Variants in SGCD observed in about 807,000 individuals in gnomAD.
The protein encoded by SGCD is delta-sarcoglycan.
SGCD carries 18 observed loss-of-function variants against 36.6 expected under a neutral mutation model. The observed-to-expected ratio is 0.49, with a 90% CI of 0.34 to 0.73. The LOEUF (loss-of-function observed/expected upper bound fraction) is 0.73. Among genes scored for constraint, SGCD ranks in the 30% least tolerant of loss-of-function variants. The pLI, the probability that SGCD is intolerant of heterozygous loss-of-function variation, is 0.01. For synonymous variants in SGCD, 133 were observed against 130.6 expected, an observed-to-expected ratio of 1.02 and a Z score of -0.12; for missense variants, 387 against 346.7, an observed-to-expected ratio of 1.12 and a Z score of -0.92.
At chr5:156,601,817 G>C (rs1761203200) in intron 6 of SGCD, among the ~76,000 whole-genome samples, 1 of 152,054 alleles carries the variant, frequency 6.6e-6, no homozygotes, top group Non-Finnish European at 1.5e-5. Flanking sequence ...CCGAGTAGCT[G>C]GGCCTACAGG....
Position 156,113,047 on chromosome 5 carries a change from C to T in SGCD, c.-281-4831C>T, listed in dbSNP as rs536607475. Among the ~76,000 whole-genome samples the T allele has an allele frequency of 5.9e-5, 9 of 152,194 alleles. No homozygotes were observed. In the South Asian group the frequency reaches 1.7e-3, roughly 28 times the overall value. On this transcript the variant is annotated intron_variant, in intron 1 of 9. Transcript: ENST00000517913. ...TTTAATTTATGTAAATTCAACTTTA[C>T]GTGCATAGCAAATAAAAGAAAACTG...
chr5:156,230,308 G>T (rs1268684971), intron 3 of SGCD, among the ~76,000 whole-genome samples: 1 of 152,148 alleles, frequency 6.6e-6, no homozygotes, highest in Non-Finnish European at 1.5e-5. Context: ...ATTTGGGTAG[G>T]CTCTGTCAGA....
chr5:155,949,601 A>G (rs1467680114), intron 1 of SGCD, among the ~76,000 whole-genome samples: 1 of 152,212 alleles, frequency 6.6e-6, no homozygotes, highest in Admixed American at 6.5e-5. Flanking sequence ...ACACGTCTAA[A>G]TAATTGGAAA....
At chr5:156,495,610 G>A (rs1756149350) in intron 3 of SGCD, among the ~76,000 whole-genome samples, 1 of 152,152 alleles carries the variant, frequency 6.6e-6, no homozygotes, top group Admixed American at 6.6e-5. Flanking sequence ...ACTCAGGCCA[G>A]CATCTTAATC....
rs116956902 is a variant in SGCD at position 156,520,615 on chromosome 5, C to T, written c.294+11913C>T. ...GCAAAAAGAACAAAGCTGGAGGCAT[C>T]GTGCGACCCAACTTCAAACTATACT... On this transcript the variant is annotated intron_variant, in intron 4 of 8. Coordinates refer to ENST00000337851, the MANE Select transcript of SGCD (RefSeq NM_000337.6). Among the ~76,000 whole-genome samples, 1,978 of 152,256 alleles carry T rather than the reference C, an allele frequency of 0.013. 104 individuals carry two copies. The East Asian group carries it at 0.18, about 14-fold the overall frequency.
At chr5:155,884,375 C>T (rs1755959885) in intron 1 of SGCD, among the ~76,000 whole-genome samples, 1 of 152,206 alleles carries the variant, frequency 6.6e-6, no homozygotes, top group Admixed American at 6.5e-5. Flanking sequence ...CTGCCCCGTT[C>T]TCTGCCACGA....
intron 1 of SGCD, among the ~76,000 whole-genome samples, chr5:155,965,724 G>A (rs917705744): frequency 3.3e-5 from 5 of 152,068 alleles, no homozygotes; most frequent in African/African-American, 4.8e-5. Flanking sequence ...ACCAAGTCAA[G>A]CAACTAACTG....
chr5:155,932,094 G>C (rs551226359), intron 1 of SGCD, among the ~76,000 whole-genome samples: 1 of 152,210 alleles, frequency 6.6e-6, no homozygotes, highest in Non-Finnish European at 1.5e-5. Context: ...CACCTTGGGG[G>C]TTAAGATTTC....
intron 1 of SGCD, among the ~76,000 whole-genome samples, chr5:156,033,889 C>G (rs1384580173): frequency 6.6e-6 from 1 of 152,092 alleles, no homozygotes; most frequent in East Asian, 1.9e-4. Context: ...CATTTTTGCA[C>G]TTAATTTTTT....
chr5:156,583,744 A>G (rs1581207708), intron 4 of SGCD, among the ~76,000 whole-genome samples: 1 of 152,236 alleles, frequency 6.6e-6, no homozygotes, highest in African/African-American at 2.4e-5. Flanking sequence ...TGACATTGGT[A>G]CAAGAATAGA....
At chr5:156,174,173 A>G (rs113513553) in intron 3 of SGCD, among the ~76,000 whole-genome samples, 4 of 152,362 alleles carry the variant, frequency 2.6e-5, no homozygotes, top group African/African-American at 9.6e-5. Flanking sequence ...AACTCTAACT[A>G]TGGAAGACAA....
At chr5:156,044,281 AT>A (rs946919777) in intron 1 of SGCD, among the ~76,000 whole-genome samples, 8 of 152,190 alleles carry the variant, frequency 5.3e-5, no homozygotes, top group Non-Finnish European at 7.4e-5. Context: ...AGGCTGTTGA[AT>A]GGAGTAAAAT....
intron 3 of SGCD, among the ~76,000 whole-genome samples, chr5:156,189,244 G>GT (rs1034627237): frequency 2.6e-5 from 4 of 151,528 alleles, no homozygotes; most frequent in Non-Finnish European, 5.9e-5. Flanking sequence ...CAGATGTTCT[G>GT]TTTTTTTGGA....
At chr5:155,836,114 T>G in the SGCD span, among the ~76,000 whole-genome samples, 1 of 152,218 alleles carries the variant, frequency 6.6e-6, no homozygotes, top group Admixed American at 6.5e-5. Flanking sequence ...TACTTCAGTT[T>G]CCCTTGCTCA....
At chr5:155,824,600 TCA>T in the SGCD span, among the ~76,000 whole-genome samples, 1 of 152,200 alleles carries the variant, frequency 6.6e-6, no homozygotes, top group African/African-American at 2.4e-5. Context: ...TGGAGTACCT[TCA>T]CATGCATTTC....
chr5:156,510,497 G>A (rs1756883284), intron 4 of SGCD, among the ~76,000 whole-genome samples: 1 of 152,168 alleles, frequency 6.6e-6, no homozygotes, highest in South Asian at 2.1e-4. Context: ...AGTCTTACCT[G>A]TATTAAACTT....
At chr5:156,554,582 CAT>C (rs908878264) in intron 4 of SGCD, among the ~76,000 whole-genome samples, 2 of 149,208 alleles carry the variant, frequency 1.3e-5, no homozygotes, top group African/African-American at 4.9e-5. Flanking sequence ...AAAAAGTATG[CAT>C]ATGTGTATAT....
intron 7 of SGCD, among the ~76,000 whole-genome samples, chr5:156,656,186 T>C (rs1763669133): frequency 6.6e-6 from 1 of 152,158 alleles, no homozygotes. Context: ...TATGCTGATG[T>C]GCTCTTACGT....
intron 3 of SGCD, among the ~76,000 whole-genome samples, chr5:156,468,880 T>C (rs1754832087): frequency 6.6e-6 from 1 of 152,140 alleles, no homozygotes; most frequent in African/African-American, 2.4e-5. Context: ...TAATCCCAAC[T>C]ACTCAGGAGA....
Sources: allele counts gnomAD v4.1 joint callset (sites outside exome capture counted in the v4.1 genomes callset), GRCh38; gene constraint gnomAD v4.1.1; transcripts MANE v1.5; gene names NCBI Gene and HGNC (gene_info 2026-07-23, HGNC 2026-07-21).